Variants in DCLK1 observed in about 807,000 individuals in gnomAD.
The protein encoded by DCLK1 is doublecortin like kinase 1.
In DCLK1, 16 loss-of-function variants were observed where a neutral mutation model predicts 86.2. That is an observed-to-expected ratio of 0.19 (90% CI 0.13 to 0.28). The LOEUF (loss-of-function observed/expected upper bound fraction) is 0.28, where lower values mean the gene tolerates loss of function less well. Among genes scored for constraint, DCLK1 ranks in the 10% least tolerant of loss-of-function variants. The pLI is 1.00. For synonymous variants in DCLK1, 369 were observed against 370.5 expected, an observed-to-expected ratio of 1.00 and a Z score of 0.05; for missense variants, 590 against 940.2, an observed-to-expected ratio of 0.63 and a Z score of 4.87.
chr13:36,018,943 G>A (rs565229248), intron 3 of DCLK1, among the ~76,000 whole-genome samples: 89 of 152,166 alleles, frequency 5.8e-4, no homozygotes, highest in African/African-American at 1.7e-3. Flanking sequence ...TGCAGATAGC[G>A]CACATATCCA....
chr13:35,867,965 GAGAA>G (rs1403783092), intron 5 of DCLK1, among the ~76,000 whole-genome samples: 3 of 142,890 alleles, frequency 2.1e-5, no homozygotes, highest in East Asian at 4.1e-4. Flanking sequence ...AAGAAAGAAA[GAGAA>G]AAAGAAAGAC....
chr13:36,028,682 G>A (rs1393230166), intron 3 of DCLK1, among the ~76,000 whole-genome samples: 1 of 152,166 alleles, frequency 6.6e-6, no homozygotes, highest in Non-Finnish European at 1.5e-5. Flanking sequence ...AATGAGACAG[G>A]AGATTAGCCC....
At chr13:36,102,103 T>C (rs1291483758) in intron 3 of DCLK1, among the ~76,000 whole-genome samples, 2 of 152,120 alleles carry the variant, frequency 1.3e-5, no homozygotes, top group Non-Finnish European at 2.9e-5. Flanking sequence ...CACGACTCTT[T>C]ACAACTTATT....
intron 5 of DCLK1, chr13:35,855,442 C>A: frequency 6.9e-7 from 1 of 1,454,818 alleles, no homozygotes; most frequent in Non-Finnish European, 9.5e-7. Flanking sequence ...AACCAGGAGA[C>A]ACATAGATTC....
intron 3 of DCLK1, among the ~76,000 whole-genome samples, chr13:36,007,904 G>T (rs1881056902): frequency 6.6e-6 from 1 of 151,974 alleles, no homozygotes; most frequent in Non-Finnish European, 1.5e-5. Flanking sequence ...TGACTTCTAA[G>T]AAGTTAGGGA....
chr13:35,801,466 TTTC>T (rs1474576578), intron 15 of DCLK1, among the ~76,000 whole-genome samples: 3 of 151,948 alleles, frequency 2.0e-5, no homozygotes, highest in Non-Finnish European at 4.4e-5. Flanking sequence ...CCATTTTTTT[TTTC>T]TAGGATGGTA....
intron 16 of DCLK1, chr13:35,788,048 GA>G: frequency 2.9e-6 from 2 of 695,782 alleles, no homozygotes; most frequent in Admixed American, 2.5e-5. Context: ...AAAAAGGAAT[GA>G]GGGGGTGTGG....
chr13:36,076,564 CAGA>C (rs1466874052), intron 3 of DCLK1, among the ~76,000 whole-genome samples: 1 of 152,184 alleles, frequency 6.6e-6, no homozygotes, highest in Non-Finnish European at 1.5e-5. Flanking sequence ...ATTTTAACAG[CAGA>C]AGAACTTTTC....
intron 4 of DCLK1, among the ~76,000 whole-genome samples, chr13:35,910,455 A>G (rs1028360896): frequency 2.0e-5 from 3 of 152,254 alleles, no homozygotes; most frequent in African/African-American, 7.2e-5. Context: ...TGTGCCTAAT[A>G]GAAATGAGAG....
At chr13:35,856,301 C>G (rs980559899) in intron 5 of DCLK1, among the ~76,000 whole-genome samples, 1 of 152,124 alleles carries the variant, frequency 6.6e-6, no homozygotes, top group Admixed American at 6.5e-5. Context: ...ACTTCCTCAG[C>G]CAGTAGCCTC....
intron 4 of DCLK1, among the ~76,000 whole-genome samples, chr13:35,916,518 G>A (rs1463347363): frequency 1.3e-5 from 2 of 152,070 alleles, no homozygotes; most frequent in African/African-American, 2.4e-5. Context: ...CAGCAGAGGC[G>A]CAACACATTT....
chr13:36,097,527 A>G (rs879284161), intron 3 of DCLK1, among the ~76,000 whole-genome samples: 3 of 152,136 alleles, frequency 2.0e-5, no homozygotes, highest in Non-Finnish European at 4.4e-5. Context: ...GGGAATATAA[A>G]TTTTTATAAT....
intron 3 of DCLK1, among the ~76,000 whole-genome samples, chr13:36,000,000 C>A (rs1443536482): frequency 6.6e-6 from 1 of 152,222 alleles, no homozygotes; most frequent in African/African-American, 2.4e-5. Flanking sequence ...GGACTAATTA[C>A]TTGATGTGGC....
intron 3 of DCLK1, among the ~76,000 whole-genome samples, chr13:36,033,605 A>G (rs538968111): frequency 2.0e-5 from 3 of 152,130 alleles, no homozygotes; most frequent in Non-Finnish European, 4.4e-5. Flanking sequence ...TAAAGTGCCA[A>G]CCTGAGTCTG....
intron 15 of DCLK1, among the ~76,000 whole-genome samples, chr13:35,793,851 A>C (rs1010794621): frequency 2.0e-5 from 3 of 152,150 alleles, no homozygotes; most frequent in African/African-American, 7.2e-5. Flanking sequence ...TCTTCTTTTT[A>C]ATTTTTTTTT....
At chr13:35,845,487 T>C (rs1253701063) in intron 6 of DCLK1, among the ~76,000 whole-genome samples, 1 of 152,162 alleles carries the variant, frequency 6.6e-6, no homozygotes, top group East Asian at 1.9e-4. Context: ...CACATGCACA[T>C]TTTTTCCCCT....
intron 13 of DCLK1, 97 bp from the exon 14 acceptor site, chr13:35,808,417 C>T: frequency 2.1e-6 from 2 of 972,696 alleles, no homozygotes; most frequent in Non-Finnish European, 3.3e-6. Context: ...CCTTTCCCCC[C>T]ATAAATGTGT....
chr13:36,115,056 C>CTT (rs1885735462), intron 2 of DCLK1, among the ~76,000 whole-genome samples: 1 of 152,116 alleles, frequency 6.6e-6, no homozygotes. Flanking sequence ...GTCCCAGCTA[C>CTT]TTGGGGGGCT....
At chr13:35,827,369 C>T (rs747183914) in intron 10 of DCLK1, among the ~76,000 whole-genome samples, 2 of 152,132 alleles carry the variant, frequency 1.3e-5, no homozygotes, top group Admixed American at 6.5e-5. Context: ...ACAATAACAC[C>T]ATTAAGCAGA....
Sources: allele counts gnomAD v4.1 joint callset (sites outside exome capture counted in the v4.1 genomes callset), GRCh38; gene constraint gnomAD v4.1.1; transcripts MANE v1.5; gene names NCBI Gene and HGNC (gene_info 2026-07-23, HGNC 2026-07-21).